The following TAFA1 variants were observed in gnomAD, a reference collection of about 807,000 sequenced individuals.
The protein encoded by TAFA1 is chemokine-like protein TAFA-1.
TAFA1 carries 4 observed loss-of-function variants against 18.5 expected under a neutral mutation model. That is an observed-to-expected ratio of 0.22 (90% CI 0.11 to 0.49). TAFA1 has a LOEUF of 0.49. TAFA1 is among the 20% of genes least tolerant of loss of function. The pLI is 0.98. For missense variants in TAFA1, 147 were observed against 169.0 expected (o/e 0.87, Z 0.72); for synonymous variants, 56 against 55.2 (o/e 1.01, Z -0.06).
intron 2 of TAFA1, among the ~76,000 whole-genome samples, chr3:68,383,575 C>G (rs530979311): frequency 6.6e-6 from 1 of 152,008 alleles, no homozygotes; most frequent in Non-Finnish European, 1.5e-5. Context: ...CTGCTGGATT[C>G]AGTTTGCTGG....
At chr3:68,128,917 C>G (rs1035591382) in intron 2 of TAFA1, among the ~76,000 whole-genome samples, 10 of 152,202 alleles carry the variant, frequency 6.6e-5, no homozygotes, top group African/African-American at 2.2e-4. Flanking sequence ...CAGCTTTTAT[C>G]CTCTGTCATT....
At chr3:68,507,274 A>G (rs1203066936) in intron 3 of TAFA1, among the ~76,000 whole-genome samples, 1 of 152,134 alleles carries the variant, frequency 6.6e-6, no homozygotes, top group East Asian at 1.9e-4. Flanking sequence ...ATCTGCTCAA[A>G]AGCAAATAGA....
chr3:68,042,264 A>AT (rs1553706248), intron 2 of TAFA1, among the ~76,000 whole-genome samples: 101 of 152,304 alleles, frequency 6.6e-4, no homozygotes, highest in African/African-American at 2.3e-3. Context: ...AGTGTTTGAG[A>AT]CATAATAATT....
At chr3:68,074,499 C>G (rs1490299060) in intron 2 of TAFA1, among the ~76,000 whole-genome samples, 1 of 152,118 alleles carries the variant, frequency 6.6e-6, no homozygotes, top group Non-Finnish European at 1.5e-5. Context: ...CTTGAAGTCT[C>G]AATTTCCTCA....
intron 2 of TAFA1, among the ~76,000 whole-genome samples, chr3:68,025,629 C>A (rs1295690498): frequency 2.6e-5 from 4 of 152,182 alleles, no homozygotes; most frequent in African/African-American, 9.6e-5. Flanking sequence ...TTTGCTCACT[C>A]TCCTTTATCC....
At chr3:68,144,741 A>G (rs909549156) in intron 2 of TAFA1, among the ~76,000 whole-genome samples, 2 of 152,098 alleles carry the variant, frequency 1.3e-5, no homozygotes, top group Admixed American at 1.3e-4. Flanking sequence ...CCGTCTTACA[A>G]TTTTTTTAAC....
intron 3 of TAFA1, among the ~76,000 whole-genome samples, chr3:68,471,415 C>T (rs529871444): frequency 3.1e-4 from 47 of 152,286 alleles, no homozygotes; most frequent in African/African-American, 1.1e-3. Flanking sequence ...AGAAAAGCCA[C>T]AGACACTCAA....
At chr3:68,417,070 T>C (rs1208724404) in intron 2 of TAFA1, among the ~76,000 whole-genome samples, 1 of 152,192 alleles carries the variant, frequency 6.6e-6, no homozygotes, top group Non-Finnish European at 1.5e-5. Context: ...TTGAGGGCTA[T>C]CCATTGGTAT....
At chr3:68,254,756 G>T (rs1430860491) in intron 2 of TAFA1, among the ~76,000 whole-genome samples, 3 of 152,056 alleles carry the variant, frequency 2.0e-5, no homozygotes, top group African/African-American at 7.2e-5. Flanking sequence ...GACCTTCTAG[G>T]ATGTTCATGT....
At chr3:68,048,371 GATATGGGCA>G (rs974465129) in intron 2 of TAFA1, among the ~76,000 whole-genome samples, 1 of 152,006 alleles carries the variant, frequency 6.6e-6, no homozygotes, top group Non-Finnish European at 1.5e-5. Context: ...GAGATATTTT[GATATGGGCA>G]TACAATGCAT....
chr3:68,201,949 C>A (rs1460119023), intron 2 of TAFA1, among the ~76,000 whole-genome samples: 1 of 151,606 alleles, frequency 6.6e-6, no homozygotes, highest in Non-Finnish European at 1.5e-5. Flanking sequence ...TCTGTAAACC[C>A]ACTCTTATGG....
intron 3 of TAFA1, among the ~76,000 whole-genome samples, chr3:68,443,617 G>C (rs1024954698): frequency 6.6e-6 from 1 of 152,052 alleles, no homozygotes; most frequent in African/African-American, 2.4e-5. Flanking sequence ...TTGTGCAGGG[G>C]CTCTCATTTT....
chr3:68,479,239 A>ATAT lies in TAFA1; in HGVS notation c.260-59517_260-59516insTAT, dbSNP rs1282917420. On this transcript the variant is annotated intron_variant, in intron 3 of 4. Coordinates refer to ENST00000478136, the MANE Select transcript of TAFA1 (RefSeq NM_213609.4). The stretch of plus-strand genomic sequence containing the variant: ...AGTGAGACTCCATCTCAAAAAAAAA[A>ATAT]AAATATATATATATATATATATATG... Among the ~76,000 whole-genome samples the ATAT allele has an allele frequency of 1.4e-3, 168 of 122,966 alleles. 1 individual carries two copies. Among genetic ancestry groups the ATAT allele is most frequent in the African/African-American group, 6.1e-3 (155 of 25,410 alleles). The allele number at this position is 122,966 out of a possible 152,430, so 80.7% of individuals were successfully genotyped here.
At chr3:68,330,642 G>A (rs920363755) in intron 2 of TAFA1, among the ~76,000 whole-genome samples, 2 of 152,198 alleles carry the variant, frequency 1.3e-5, no homozygotes, top group African/African-American at 4.8e-5. Flanking sequence ...TCAAAGCTTA[G>A]AGAAATTAAG....
intron 2 of TAFA1, among the ~76,000 whole-genome samples, chr3:68,269,660 G>C (rs1286043249): frequency 1.3e-5 from 2 of 151,654 alleles, no homozygotes; most frequent in Admixed American, 1.3e-4. Context: ...GATGGCTCAT[G>C]CCTATAATCC....
chr3:68,377,388 T>C (rs1248552537), intron 2 of TAFA1, among the ~76,000 whole-genome samples: 1 of 152,182 alleles, frequency 6.6e-6, no homozygotes, highest in Non-Finnish European at 1.5e-5. Context: ...TATCTGGCAC[T>C]GGAGCAAAGG....
At chr3:68,505,573 G>A (rs771752883) in intron 3 of TAFA1, among the ~76,000 whole-genome samples, 2 of 152,118 alleles carry the variant, frequency 1.3e-5, no homozygotes, top group Admixed American at 1.3e-4. Flanking sequence ...GCTGGGCTGT[G>A]TTCTCATCTG....
intron 3 of TAFA1, among the ~76,000 whole-genome samples, chr3:68,425,436 A>C (rs2071034363): frequency 6.6e-6 from 1 of 151,970 alleles, no homozygotes; most frequent in Admixed American, 6.6e-5. Flanking sequence ...GGGAAATTCG[A>C]TTGTTCTTAT....
At chr3:68,114,939 C>G (rs935686178) in intron 2 of TAFA1, among the ~76,000 whole-genome samples, 1 of 152,024 alleles carries the variant, frequency 6.6e-6, no homozygotes, top group South Asian at 2.1e-4. Context: ...TTAAAGAATG[C>G]CTGCTATATT....
Sources: allele counts gnomAD v4.1 joint callset (sites outside exome capture counted in the v4.1 genomes callset), GRCh38; gene constraint gnomAD v4.1.1; transcripts MANE v1.5; gene names NCBI Gene and HGNC (gene_info 2026-07-23, HGNC 2026-07-21).